Variants in SGCZ observed in about 807,000 individuals in gnomAD.
The protein encoded by SGCZ is sarcoglycan zeta.
In SGCZ, 40 loss-of-function variants were observed where a neutral mutation model predicts 41.3. That is an observed-to-expected ratio of 0.97 (90% CI 0.75 to 1.26). The LOEUF (loss-of-function observed/expected upper bound fraction) is 1.26, where lower values mean the gene tolerates loss of function less well. SGCZ is among the 50% of genes most tolerant of loss of function. SGCZ has a pLI of 0.00. For missense variants in SGCZ, 552 were observed against 369.8 expected, an observed-to-expected ratio of 1.49 and a Z score of -4.04; for synonymous variants, 206 against 137.5, an observed-to-expected ratio of 1.50 and a Z score of -3.49.
chr8:14,503,139 C>A (rs954933628), intron 2 of SGCZ, among the ~76,000 whole-genome samples: 4 of 152,102 alleles, frequency 2.6e-5, no homozygotes, highest in Non-Finnish European at 4.4e-5. Flanking sequence ...GAGTTCATGT[C>A]CTTTGTGGGG....
intron 1 of SGCZ, among the ~76,000 whole-genome samples, chr8:14,832,408 C>G (rs1802562830): frequency 6.6e-6 from 1 of 152,054 alleles, no homozygotes; most frequent in Non-Finnish European, 1.5e-5. Context: ...CCAGGTGGTC[C>G]AAGACCAGGC....
At chr8:14,606,594 T>C (rs901484822) in intron 1 of SGCZ, among the ~76,000 whole-genome samples, 3 of 152,184 alleles carry the variant, frequency 2.0e-5, no homozygotes, top group Admixed American at 2.0e-4. Flanking sequence ...TAGTAGCCTG[T>C]TTCATTTGTC....
chr8:14,542,373 G>C (rs1285027766), intron 2 of SGCZ, among the ~76,000 whole-genome samples: 2 of 151,946 alleles, frequency 1.3e-5, no homozygotes, highest in South Asian at 2.1e-4. Context: ...CAAAATTGCA[G>C]AATTATGGAA....
chr8:14,878,747 G>A (rs563094934), intron 1 of SGCZ, among the ~76,000 whole-genome samples: 28 of 152,304 alleles, frequency 1.8e-4, no homozygotes, highest in Middle Eastern at 3.4e-3. Context: ...AAGAATGGCA[G>A]AGGCAATGAA....
Position 15,139,554 on chromosome 8 carries a change from T to C in SGCZ, c.39+98031A>G, listed in dbSNP as rs756249404. Among the ~76,000 whole-genome samples, 2 of 152,170 alleles carry C rather than the reference T, an allele frequency of 1.3e-5. 1 individual carries two copies. The highest frequency in any genetic ancestry group is 4.1e-4 in the South Asian group (2 of 4,826). ...GTGACATGGCACTATAAGAAACCTA[T>C]AGAGAGTAAAATGGTTACCACAGTG... On this transcript the variant is annotated intron_variant, in intron 1 of 7. Coordinates refer to ENST00000382080, the MANE Select transcript of SGCZ (RefSeq NM_139167.4).
At chr8:14,414,101 G>A (rs918035485) in intron 2 of SGCZ, among the ~76,000 whole-genome samples, 3 of 151,906 alleles carry the variant, frequency 2.0e-5, no homozygotes, top group African/African-American at 7.2e-5. Flanking sequence ...AGCAGTCTTA[G>A]CTATATAATG....
intron 1 of SGCZ, among the ~76,000 whole-genome samples, chr8:15,237,358 C>T (rs1802166861): frequency 6.6e-6 from 1 of 152,144 alleles, no homozygotes; most frequent in South Asian, 2.1e-4. Flanking sequence ...GAGGAGCAGG[C>T]GGGGAGGGCG....
intron 5 of SGCZ, among the ~76,000 whole-genome samples, chr8:14,143,396 C>T (rs1341111439): frequency 6.6e-6 from 1 of 152,122 alleles, no homozygotes; most frequent in Middle Eastern, 3.2e-3. Flanking sequence ...TTGAAAATGA[C>T]ATTATTGTCT....
intron 7 of SGCZ, among the ~76,000 whole-genome samples, chr8:14,098,593 A>C (rs547888308): frequency 1.3e-5 from 2 of 152,302 alleles, no homozygotes; most frequent in South Asian, 4.1e-4. Flanking sequence ...TGCCAAAAGT[A>C]TTCTAGGGGC....
intron 1 of SGCZ, among the ~76,000 whole-genome samples, chr8:15,037,749 T>G: frequency 6.6e-6 from 1 of 152,170 alleles, no homozygotes; most frequent in Admixed American, 6.5e-5. Context: ...TACCAAAAAC[T>G]GTTTAGAAAT....
At chr8:15,084,811 C>T (rs1228816195) in intron 1 of SGCZ, among the ~76,000 whole-genome samples, 1 of 152,044 alleles carries the variant, frequency 6.6e-6, no homozygotes, top group Non-Finnish European at 1.5e-5. Context: ...AGTGTAAGAA[C>T]ATATTTTTGG....
chr8:14,428,131 CACATAT>C (rs1238442820), intron 2 of SGCZ, among the ~76,000 whole-genome samples: 10 of 4,102 alleles, frequency 2.4e-3, no homozygotes, highest in African/African-American at 4.5e-3. Context: ...CACACACACA[CACATAT>C]ATATATATAT....
intron 3 of SGCZ, among the ~76,000 whole-genome samples, chr8:14,282,834 T>A (rs1800491144): frequency 7.2e-6 from 1 of 138,856 alleles, no homozygotes; most frequent in Non-Finnish European, 1.5e-5. Flanking sequence ...TTATAATCAT[T>A]CTCTTTCAAA....
chr8:14,869,803 CAGAG>C (rs1411232446), intron 1 of SGCZ, among the ~76,000 whole-genome samples: 3 of 152,124 alleles, frequency 2.0e-5, no homozygotes, highest in East Asian at 1.9e-4. Flanking sequence ...AATAGACAAA[CAGAG>C]AGCTAAATCA....
chr8:14,909,378 TTTAA>T (rs749018538), intron 1 of SGCZ, among the ~76,000 whole-genome samples: 3 of 152,198 alleles, frequency 2.0e-5, no homozygotes, highest in South Asian at 2.1e-4. Context: ...CTTCACTGTC[TTTAA>T]TTAATTTCGT....
At position 14,115,334 on chromosome 8, in the gene SGCZ, A is replaced by T. The variant is rs571974664; in HGVS notation, c.548-7099T>A. ...TTAAAAGGCAGCAATATTTGATTCA[A>T]TTTACAGCTTCATTATAAACATTAT... On this transcript the variant is annotated intron_variant, in intron 5 of 7. Coordinates refer to ENST00000382080, the MANE Select transcript of SGCZ (RefSeq NM_139167.4). Among the ~76,000 whole-genome samples, 3 of 152,134 alleles carry T rather than the reference A, an allele frequency of 2.0e-5. No individual in the cohort carries two copies. In the East Asian group the frequency reaches 5.8e-4, roughly 29 times the overall value.
At chr8:14,160,382 G>A (rs1039518252) in intron 5 of SGCZ, among the ~76,000 whole-genome samples, 3 of 152,124 alleles carry the variant, frequency 2.0e-5, no homozygotes, top group African/African-American at 4.8e-5. Context: ...AGAGACTTCC[G>A]TGTGTAAAGG....
chr8:14,871,463 T>G (rs1275488739), intron 1 of SGCZ, among the ~76,000 whole-genome samples: 3 of 152,026 alleles, frequency 2.0e-5, no homozygotes, highest in South Asian at 4.1e-4. Context: ...CTATTCACAA[T>G]ACCAAAGACT....
At chr8:15,068,665 A>G (rs1054158068) in intron 1 of SGCZ, among the ~76,000 whole-genome samples, 2 of 152,226 alleles carry the variant, frequency 1.3e-5, no homozygotes, top group Admixed American at 1.3e-4. Context: ...TGGAAATCCA[A>G]TATGTGAAGC....
Sources: gnomAD v4.1 joint callset for allele counts (sites outside exome capture counted in the v4.1 genomes callset) on GRCh38, gnomAD v4.1.1 for gene constraint, MANE v1.5 for transcripts, NCBI Gene and HGNC (gene_info 2026-07-23, HGNC 2026-07-21) for gene names.